CRACD: variants seen among roughly 807,000 people sequenced by gnomAD.
The protein encoded by CRACD is capping protein inhibiting regulator of actin dynamics, also known as capping protein-inhibiting regulator of actin dynamics.
A neutral mutation model predicts 106.8 loss-of-function variants in CRACD; 56 were observed. The ratio of observed to expected loss-of-function variants is 0.52; its 90% CI spans 0.42 to 0.66. The LOEUF (loss-of-function observed/expected upper bound fraction) is 0.66. Ranked by LOEUF, CRACD falls within the 30% of genes least tolerant of loss-of-function variation. The pLI is 0.00. For missense variants in CRACD, 1,730 were observed against 1,623.2 expected (o/e 1.07, Z -1.13); for synonymous variants, 754 against 670.8 (o/e 1.12, Z -1.92).
intron 2 of CRACD, among the ~76,000 whole-genome samples, chr4:56,189,915 C>T (rs1435445130): frequency 2.0e-5 from 3 of 149,422 alleles, no homozygotes; most frequent in Non-Finnish European, 1.5e-5. Context: ...GTGCGCTGCA[C>T]CCACTAACTC....
intron 1 of CRACD, among the ~76,000 whole-genome samples, chr4:56,109,308 A>G (rs971451684): frequency 3.3e-5 from 5 of 152,154 alleles, no homozygotes; most frequent in African/African-American, 1.2e-4. Context: ...GTCCATGATC[A>G]TCTCTATATC....
At chr4:56,247,801 G>A (rs1045194244) in intron 2 of CRACD, among the ~76,000 whole-genome samples, 3 of 151,520 alleles carry the variant, frequency 2.0e-5, no homozygotes, top group Non-Finnish European at 2.9e-5. Context: ...AGCCAGGATT[G>A]CACCACTGCA....
intron 3 of CRACD, among the ~76,000 whole-genome samples, chr4:56,289,603 G>A (rs1295930522): frequency 2.6e-5 from 4 of 151,270 alleles, no homozygotes; most frequent in South Asian, 2.1e-4. Flanking sequence ...AGCCTGGAGA[G>A]TTCGAAGCTG....
At chr4:56,237,721 TACACACACACACACACACACAC>T (rs36207795) in intron 2 of CRACD, among the ~76,000 whole-genome samples, 1 of 144,308 alleles carries the variant, frequency 6.9e-6, no homozygotes, top group Non-Finnish European at 1.5e-5. Context: ...AGATATTACA[TACACACACACACACACACACAC>T]ACACACACAC....
chr4:56,318,720 G>T (rs1044196213), intron 8 of CRACD, among the ~76,000 whole-genome samples: 9 of 152,208 alleles, frequency 5.9e-5, no homozygotes, highest in African/African-American at 1.9e-4. Flanking sequence ...ATTCACTGGG[G>T]TTTTGTTATG....
At chr4:56,130,970 T>C (rs1016075173) in intron 1 of CRACD, among the ~76,000 whole-genome samples, 3 of 152,196 alleles carry the variant, frequency 2.0e-5, no homozygotes, top group African/African-American at 7.2e-5. Context: ...ATATGTAAAA[T>C]GGAGGCAGTG....
intron 4 of CRACD, among the ~76,000 whole-genome samples, chr4:56,306,624 G>A (rs1279214035): frequency 6.6e-6 from 1 of 152,234 alleles, no homozygotes. Context: ...TAGAGCAGTG[G>A]TTCTCAGCTG....
At chr4:56,260,287 A>G (rs184167333) in intron 2 of CRACD, among the ~76,000 whole-genome samples, 70 of 152,368 alleles carry the variant, frequency 4.6e-4, no homozygotes, top group African/African-American at 1.6e-3. Context: ...AAGTTGCAGA[A>G]TATCAGAGAA....
intron 1 of CRACD, among the ~76,000 whole-genome samples, chr4:56,135,408 C>A (rs1323985404): frequency 6.6e-6 from 1 of 152,208 alleles, no homozygotes; most frequent in Non-Finnish European, 1.5e-5. Context: ...ATTTCCAAAG[C>A]AATTCCAGGT....
intron 2 of CRACD, among the ~76,000 whole-genome samples, chr4:56,197,294 C>A (rs1737657075): frequency 1.3e-5 from 2 of 151,642 alleles, no homozygotes; most frequent in Non-Finnish European, 2.9e-5. Context: ...CTAATTCATT[C>A]TTGCCAGTTA....
chr4:56,288,314 G>A (rs1743490566), intron 3 of CRACD, among the ~76,000 whole-genome samples: 2 of 151,978 alleles, frequency 1.3e-5, no homozygotes, highest in Admixed American at 6.6e-5. Flanking sequence ...TGATGCTGAG[G>A]TTTGAGCTTC....
chr4:56,075,830 T>C (rs1732822686), intron 1 of CRACD, among the ~76,000 whole-genome samples: 1 of 152,238 alleles, frequency 6.6e-6, no homozygotes, highest in African/African-American at 2.4e-5. Flanking sequence ...TTTTAATGGC[T>C]GAATAATACT....
At chr4:56,312,232 C>G (rs1745206299) in intron 6 of CRACD, among the ~76,000 whole-genome samples, 1 of 152,180 alleles carries the variant, frequency 6.6e-6, no homozygotes, top group South Asian at 2.1e-4. Flanking sequence ...GCGATCTCAG[C>G]TCACTGCAAC....
chr4:56,163,028 T>C (rs77909918), intron 1 of CRACD, among the ~76,000 whole-genome samples: 4,139 of 152,318 alleles, frequency 0.027, 84 homozygotes, highest in Non-Finnish European at 0.041. Flanking sequence ...AAAAACAGAC[T>C]GTGGGCTACA....
chr4:56,142,284 A>G (rs552800573), intron 1 of CRACD, among the ~76,000 whole-genome samples: 1 of 152,316 alleles, frequency 6.6e-6, no homozygotes, highest in South Asian at 2.1e-4. Flanking sequence ...GTGACTAGAT[A>G]GTATTTCATG....
chr4:56,153,422 A>C (rs1341181626), intron 1 of CRACD, among the ~76,000 whole-genome samples: 2 of 151,780 alleles, frequency 1.3e-5, no homozygotes, highest in African/African-American at 4.8e-5. Flanking sequence ...TTCTCCACCA[A>C]CCCCAGCTTC....
intron 4 of CRACD, among the ~76,000 whole-genome samples, chr4:56,299,303 T>C (rs1744230364): frequency 6.6e-6 from 1 of 151,786 alleles, no homozygotes; most frequent in South Asian, 2.1e-4. Flanking sequence ...TGACAGATAA[T>C]ACAGGAAAAG....
intron 1 of CRACD, among the ~76,000 whole-genome samples, chr4:56,164,829 T>C (rs1390525212): frequency 6.6e-6 from 1 of 152,234 alleles, no homozygotes; most frequent in African/African-American, 2.4e-5. Flanking sequence ...ATAGAGTTTC[T>C]CAGGCAAAGA....
chr4:56,051,379 G>T (rs1162404852), intron 1 of CRACD, among the ~76,000 whole-genome samples: 1 of 152,108 alleles, frequency 6.6e-6, no homozygotes, highest in Non-Finnish European at 1.5e-5. Flanking sequence ...GTTGATGTGT[G>T]TTTCTTCCAA....
Sources: allele counts gnomAD v4.1 joint callset (sites outside exome capture counted in the v4.1 genomes callset), GRCh38; gene constraint gnomAD v4.1.1; transcripts MANE v1.5; gene names NCBI Gene and HGNC (gene_info 2026-07-23, HGNC 2026-07-21).